The following ASIC2 variants were observed in gnomAD, a reference collection of about 807,000 sequenced individuals.
The protein encoded by ASIC2 is acid-sensing ion channel 2.
Under a neutral mutation model 57.3 loss-of-function variants are expected in ASIC2, and 25 were observed. The ratio of observed to expected loss-of-function variants is 0.44; its 90% confidence interval spans 0.32 to 0.61. ASIC2 has a LOEUF of 0.61. Among genes scored for constraint, ASIC2 ranks in the 20% least tolerant of loss-of-function variants. The probability of loss-of-function intolerance (pLI) is 0.06; values close to 1 mark genes in which losing one functional copy is unlikely to be tolerated. For missense variants in ASIC2, 641 were observed against 738.1 expected (o/e 0.87, Z 1.52); for synonymous variants, 319 against 307.5 (o/e 1.04, Z -0.39).
At chr17:33,782,725 C>T (rs1160520608) in intron 1 of ASIC2, among the ~76,000 whole-genome samples, 1 of 152,136 alleles carries the variant, frequency 6.6e-6, no homozygotes, top group African/African-American at 2.4e-5. Context: ...AAGGCCCTGC[C>T]ACTCCCACTA....
At chr17:33,594,356 G>A (rs777295210) in intron 1 of ASIC2, among the ~76,000 whole-genome samples, 6 of 152,244 alleles carry the variant, frequency 3.9e-5, no homozygotes, top group Non-Finnish European at 8.8e-5. Context: ...TGGATCAGGT[G>A]CAAGTCTGAA....
intron 1 of ASIC2, among the ~76,000 whole-genome samples, chr17:33,564,511 A>C (rs941955723): frequency 3.9e-5 from 6 of 152,302 alleles, no homozygotes; most frequent in Admixed American, 3.9e-4. Flanking sequence ...GGGTTTCCTG[A>C]GTTAATTATC....
At chr17:34,043,786 G>A (rs759189637) in intron 1 of ASIC2, among the ~76,000 whole-genome samples, 25 of 152,170 alleles carry the variant, frequency 1.6e-4, no homozygotes, top group Non-Finnish European at 2.8e-4. Context: ...TCCTGCAGAT[G>A]GGGGCAATGG....
intron 1 of ASIC2, chr17:33,580,136 G>A (rs1244748832): frequency 6.6e-6 from 1 of 152,110 alleles, no homozygotes; most frequent in Non-Finnish European, 1.5e-5. Flanking sequence ...GTACCCACAG[G>A]GTAGTAAGTT....
chr17:33,860,151 C>T (rs1431198909), intron 1 of ASIC2, among the ~76,000 whole-genome samples: 1 of 152,140 alleles, frequency 6.6e-6, no homozygotes, highest in East Asian at 1.9e-4. Context: ...ATGGTGCCTA[C>T]ATTCTAGATT....
At chr17:33,762,224 AG>A (rs992578982) in intron 1 of ASIC2, among the ~76,000 whole-genome samples, 3 of 152,092 alleles carry the variant, frequency 2.0e-5, no homozygotes, top group African/African-American at 4.8e-5. Context: ...AGATTTATGG[AG>A]GGGGGCAACC....
chr17:34,152,486 T>C (rs11080254), intron 1 of ASIC2, among the ~76,000 whole-genome samples: 55,699 of 151,976 alleles, frequency 0.37, 10,284 homozygotes, highest in Middle Eastern at 0.46. Flanking sequence ...GTAAACCCAC[T>C]GCTCCAAACA....
Position 33,498,652 on chromosome 17 carries a change from G to A in ASIC2, c.556-386585C>T, listed in dbSNP as rs1045599533. On this transcript the variant is annotated intron_variant, in intron 1 of 9. Transcript: ENST00000359872. ...GCCCTTGCTCTGGTCCCGGCACTGC[G>A]CTGGGCTCTGGGATGTGGGAAGCAT... 2.6e-5 allele frequency among the ~76,000 whole-genome samples: 4 copies of A among 152,304 alleles called. No individual in the cohort carries two copies. In the South Asian group the frequency reaches 8.3e-4, roughly 32 times the overall value.
At chr17:33,832,857 G>A (rs558434672) in intron 1 of ASIC2, among the ~76,000 whole-genome samples, 26 of 152,286 alleles carry the variant, frequency 1.7e-4, no homozygotes, top group African/African-American at 6.3e-4. Flanking sequence ...CAGGCACAAT[G>A]TTTCCTTTGT....
chr17:33,327,011 C>T lies in ASIC2; in HGVS notation c.556-214944G>A, dbSNP rs182648780. ...ATTTTCTATATAAGAAAGCCTAGACCTCTTAGTCAATGAGTCAGGTATCAT... is the reference window on the plus strand; with the variant it reads ...ATTTTCTATATAAGAAAGCCTAGACTTCTTAGTCAATGAGTCAGGTATCAT... On this transcript the variant is annotated intron_variant, in intron 1 of 9. Coordinates refer to the ASIC2 transcript ENST00000359872. Among the ~76,000 whole-genome samples the T allele has an allele frequency of 1.4e-4, 22 of 152,270 alleles. No individual in the cohort carries two copies. The East Asian group carries it at 4.2e-3, about 29-fold the overall frequency.
rs530454633 is a variant in ASIC2 at position 33,617,908 on chromosome 17, G to T, written c.556-505841C>A. Among the ~76,000 whole-genome samples the T allele has an allele frequency of 3.3e-5, 5 of 152,294 alleles. No homozygotes were observed. In the South Asian group the frequency reaches 1.0e-3, roughly 32 times the overall value. ...CACAAGATTAATTGCAAAGGCTAAAGGGGATTATGGATGCAAAAGTATGTG... is the reference window on the plus strand; with the variant it reads ...CACAAGATTAATTGCAAAGGCTAAATGGGATTATGGATGCAAAAGTATGTG... On this transcript the variant is annotated intron_variant, in intron 1 of 9. Coordinates refer to the ASIC2 transcript ENST00000359872.
chr17:34,154,919 G>A (rs1036211945), intron 1 of ASIC2, among the ~76,000 whole-genome samples: 3 of 152,100 alleles, frequency 2.0e-5, no homozygotes, highest in Non-Finnish European at 4.4e-5. Flanking sequence ...AGCAGCTGCT[G>A]TATGACCTAT....
At chr17:33,148,539 C>T (rs1355350085) in intron 1 of ASIC2, among the ~76,000 whole-genome samples, 2 of 152,212 alleles carry the variant, frequency 1.3e-5, no homozygotes, top group Non-Finnish European at 2.9e-5. Context: ...GCCTGGGTTT[C>T]AACCTCAGTT....
chr17:33,131,099 G>A (rs2092344190), intron 1 of ASIC2, among the ~76,000 whole-genome samples: 1 of 152,114 alleles, frequency 6.6e-6, no homozygotes, highest in South Asian at 2.1e-4. Flanking sequence ...GCTTATTGTG[G>A]TTATTATTAT....
intron 1 of ASIC2, among the ~76,000 whole-genome samples, chr17:33,384,543 T>C (rs745795720): frequency 1.8e-4 from 28 of 152,172 alleles, no homozygotes; most frequent in Non-Finnish European, 3.8e-4. Flanking sequence ...TGTTTACCTG[T>C]TACTTTAACA....
At chr17:33,395,439 T>A (rs1011331354) in intron 1 of ASIC2, among the ~76,000 whole-genome samples, 2 of 152,126 alleles carry the variant, frequency 1.3e-5, no homozygotes, top group East Asian at 1.9e-4. Flanking sequence ...CTCCCCCTTA[T>A]AAAAATCATC....
intron 1 of ASIC2, among the ~76,000 whole-genome samples, chr17:33,142,066 C>T (rs1359804930): frequency 6.6e-6 from 1 of 152,188 alleles, no homozygotes; most frequent in African/African-American, 2.4e-5. Flanking sequence ...ACTACAAACC[C>T]CTCAAGAGCA....
intron 1 of ASIC2, among the ~76,000 whole-genome samples, chr17:33,217,053 T>C (rs934999972): frequency 6.6e-6 from 1 of 152,228 alleles, no homozygotes; most frequent in African/African-American, 2.4e-5. Flanking sequence ...AGAATATTTG[T>C]CATTGCTAAT....
chr17:33,590,132 G>T (rs908374017), intron 1 of ASIC2, among the ~76,000 whole-genome samples: 2 of 152,014 alleles, frequency 1.3e-5, no homozygotes, highest in Non-Finnish European at 2.9e-5. Context: ...AGGAAAAGAG[G>T]GTGGATCATG....
Sources: allele counts gnomAD v4.1 joint callset (sites outside exome capture counted in the v4.1 genomes callset), GRCh38; gene constraint gnomAD v4.1.1; transcripts MANE v1.5; gene names NCBI Gene and HGNC (gene_info 2026-07-23, HGNC 2026-07-21).